The following PEPD variants were observed in gnomAD, a reference collection of about 807,000 sequenced individuals.
PEPD encodes peptidase D.
In PEPD, 53 loss-of-function variants were observed where a neutral mutation model predicts 60.7. That is an observed-to-expected ratio of 0.87 (90% CI 0.70 to 1.10). The LOEUF is 1.10. PEPD is among the 50% of genes least tolerant of loss of function. PEPD has a pLI of 0.00. For synonymous variants in PEPD, 267 were observed against 284.1 expected, an observed-to-expected ratio of 0.94 and a Z score of 0.60; for missense variants, 711 against 711.9, an observed-to-expected ratio of 1.00 and a Z score of 0.01.
At chr19:33,482,103 C>T (rs1237481399) in intron 6 of PEPD, among the ~76,000 whole-genome samples, 1 of 152,168 alleles carries the variant, frequency 6.6e-6, no homozygotes, top group Non-Finnish European at 1.5e-5. Flanking sequence ...TCAGTATTAC[C>T]TTGATGCTAA....
At position 33,387,256 on chromosome 19, in the gene PEPD, G is replaced by A. The variant is rs775834584; in HGVS notation, c.*88C>T. On this transcript the variant is annotated 3_prime_UTR_variant, in exon 15 of 15. Coordinates refer to ENST00000244137, the MANE Select transcript of PEPD (RefSeq NM_000285.4). ...GATCTGATTCTGGGTGCCGTCTCTCGCTACTGGAGTGCTGACCAGCAGGCT... is the reference window on the plus strand; with the variant it reads ...GATCTGATTCTGGGTGCCGTCTCTCACTACTGGAGTGCTGACCAGCAGGCT... 145 of 1,494,190 alleles carry A rather than the reference G, an allele frequency of 9.7e-5. No homozygotes were observed. The highest frequency in any genetic ancestry group is 1.4e-4 in the South Asian group (12 of 87,614). 92.6% of individuals were successfully genotyped at this position (1,494,190 alleles called of 1,614,324 possible). A position where few individuals can be genotyped will look rare whatever the true frequency, so the allele number is the denominator to read the frequency against.
intron 9 of PEPD, among the ~76,000 whole-genome samples, chr19:33,455,249 A>T (rs1241558053): frequency 6.6e-6 from 1 of 152,216 alleles, no homozygotes; most frequent in Non-Finnish European, 1.5e-5. Flanking sequence ...AATAGGGAAA[A>T]TGGGTGCCAG....
intron 7 of PEPD, among the ~76,000 whole-genome samples, chr19:33,468,111 G>A (rs1194097576): frequency 1.3e-5 from 2 of 152,162 alleles, no homozygotes; most frequent in Non-Finnish European, 2.9e-5. Context: ...CACCCGGTGA[G>A]GGAGGTCTGT....
chr19:33,451,271 C>T (rs750520171), intron 9 of PEPD, among the ~76,000 whole-genome samples: 7 of 152,108 alleles, frequency 4.6e-5, no homozygotes, highest in Non-Finnish European at 8.8e-5. Context: ...TGCCTTGCAT[C>T]AAAACTATGC....
At chr19:33,501,743 C>G (rs116123735) in intron 3 of PEPD, among the ~76,000 whole-genome samples, 1 of 152,020 alleles carries the variant, frequency 6.6e-6, no homozygotes, top group Non-Finnish European at 1.5e-5. Context: ...CGTTCTGTCA[C>G]CCAGGCTGGA....
At chr19:33,483,937 T>C (rs549305507) in intron 6 of PEPD, among the ~76,000 whole-genome samples, 1 of 152,288 alleles carries the variant, frequency 6.6e-6, no homozygotes, top group African/African-American at 2.4e-5. Flanking sequence ...GGACCCTCCA[T>C]GGCTTCGTTA....
intron 13 of PEPD, among the ~76,000 whole-genome samples, chr19:33,389,877 A>G (rs958642218): frequency 1.3e-5 from 2 of 152,264 alleles, no homozygotes; most frequent in African/African-American, 4.8e-5. Flanking sequence ...ACCTGCTGAG[A>G]ACAGGGCGCA....
chr19:33,395,649 C>T (rs544076442), intron 12 of PEPD, among the ~76,000 whole-genome samples: 17 of 152,322 alleles, frequency 1.1e-4, no homozygotes, highest in Non-Finnish European at 1.5e-5. Context: ...TCCTTGGAGC[C>T]TCAAAGCATC....
chr19:33,390,058 C>CTT (rs1398702475), intron 13 of PEPD, among the ~76,000 whole-genome samples: 1 of 152,260 alleles, frequency 6.6e-6, no homozygotes, highest in Non-Finnish European at 1.5e-5. Context: ...AAGGCCTCAA[C>CTT]TTTTATTGGG....
intron 9 of PEPD, among the ~76,000 whole-genome samples, chr19:33,456,811 G>A (rs1314116748): frequency 6.6e-6 from 1 of 152,054 alleles, no homozygotes; most frequent in Non-Finnish European, 1.5e-5. Flanking sequence ...TAAATGGATG[G>A]CAGTCTCACT....
At chr19:33,432,375 T>C (rs1969292588) in intron 9 of PEPD, among the ~76,000 whole-genome samples, 1 of 152,168 alleles carries the variant, frequency 6.6e-6, no homozygotes, top group Non-Finnish European at 1.5e-5. Flanking sequence ...GCCTTGCTTG[T>C]CTCCTCTGGC....
chr19:33,474,131 G>C (rs982058440), intron 7 of PEPD, among the ~76,000 whole-genome samples: 3 of 152,038 alleles, frequency 2.0e-5, no homozygotes, highest in Admixed American at 6.6e-5. Context: ...CTATACCCTG[G>C]CCCCAGCACA....
intron 1 of PEPD, among the ~76,000 whole-genome samples, chr19:33,518,939 C>A (rs964284082): frequency 6.6e-6 from 1 of 152,230 alleles, no homozygotes; most frequent in South Asian, 2.1e-4. Flanking sequence ...CCTGCAAATA[C>A]GTGAAGAATC....
intron 1 of PEPD, 72 bp from the exon 2 acceptor site, chr19:33,512,848 C>T (rs1010356808): frequency 4.5e-6 from 7 of 1,555,840 alleles, no homozygotes; most frequent in African/African-American, 2.7e-5. Flanking sequence ...CACCTGAGGT[C>T]GGGGTGACCG....
intron 9 of PEPD, among the ~76,000 whole-genome samples, chr19:33,424,721 T>C (rs1036012671): frequency 6.6e-6 from 1 of 152,020 alleles, no homozygotes; most frequent in Non-Finnish European, 1.5e-5. Context: ...ACTGAGTAAT[T>C]ATAAAGGAAA....
At chr19:33,391,261 G>A (rs757435305) in intron 13 of PEPD, 34 bp downstream of exon 13, 1 of 1,560,288 alleles carries the variant, frequency 6.4e-7, no homozygotes, top group Non-Finnish European at 8.8e-7. Context: ...GCAGCTGATG[G>A]GCAGGCCACT....
chr19:33,503,554 G>A (rs558668317), intron 3 of PEPD, among the ~76,000 whole-genome samples: 1 of 152,288 alleles, frequency 6.6e-6, no homozygotes, highest in East Asian at 1.9e-4. Flanking sequence ...CTGGCTCAAG[G>A]GAAGCCTACA....
At chr19:33,442,543 A>T (rs13343809) in intron 9 of PEPD, among the ~76,000 whole-genome samples, 42,717 of 143,498 alleles carry the variant, frequency 0.3, 7,010 homozygotes, top group African/African-American at 0.43. Flanking sequence ...TACTAAAAAT[A>T]AAATAAAAAA....
At chr19:33,419,772 A>T (rs1968972090) in intron 9 of PEPD, among the ~76,000 whole-genome samples, 1 of 152,154 alleles carries the variant, frequency 6.6e-6, no homozygotes. Flanking sequence ...AGAACTGAGC[A>T]GAAAAGGGTC....
Sources: gnomAD v4.1 joint callset for allele counts (sites outside exome capture counted in the v4.1 genomes callset) on GRCh38, gnomAD v4.1.1 for gene constraint, MANE v1.5 for transcripts, NCBI Gene and HGNC (gene_info 2026-07-23, HGNC 2026-07-21) for gene names.